TRABD2B: variants seen among roughly 807,000 people sequenced by gnomAD.
TRABD2B encodes metalloprotease TIKI2.
A neutral mutation model predicts 40.1 loss-of-function variants in TRABD2B; 14 were observed. The ratio of observed to expected loss-of-function variants is 0.35; its 90% CI spans 0.23 to 0.55. The LOEUF is 0.55. Ranked by LOEUF, TRABD2B falls within the 20% of genes least tolerant of loss-of-function variation. The pLI is 0.90. For missense variants in TRABD2B, 541 were observed against 648.6 expected, an observed-to-expected ratio of 0.83 and a Z score of 1.80; for synonymous variants, 263 against 277.0, an observed-to-expected ratio of 0.95 and a Z score of 0.50.
At chr1:47,988,086 G>T (rs974921182) in intron 2 of TRABD2B, among the ~76,000 whole-genome samples, 1 of 152,094 alleles carries the variant, frequency 6.6e-6, no homozygotes, top group Non-Finnish European at 1.5e-5. Context: ...ATCTGACAAG[G>T]TATAACACTG....
chr1:47,872,320 T>A (rs1557627136), intron 2 of TRABD2B, among the ~76,000 whole-genome samples: 1 of 152,184 alleles, frequency 6.6e-6, no homozygotes, highest in Non-Finnish European at 1.5e-5. Context: ...TCAGATGACC[T>A]TGAGCAGGCT....
intron 5 of TRABD2B, among the ~76,000 whole-genome samples, chr1:47,778,011 G>A (rs1451346142): frequency 1.3e-5 from 2 of 152,172 alleles, no homozygotes; most frequent in African/African-American, 2.4e-5. Context: ...AGACAGCAAC[G>A]GAGAAGGTGA....
chr1:47,936,536 G>C (rs769391402), intron 2 of TRABD2B, among the ~76,000 whole-genome samples: 1 of 152,150 alleles, frequency 6.6e-6, no homozygotes, highest in East Asian at 1.9e-4. Flanking sequence ...CTAGGAAAGC[G>C]TATCTTCAGT....
At chr1:47,923,765 G>C (rs1195272969) in intron 2 of TRABD2B, among the ~76,000 whole-genome samples, 2 of 152,128 alleles carry the variant, frequency 1.3e-5, no homozygotes, top group Non-Finnish European at 2.9e-5. Flanking sequence ...CAAGGGAGAG[G>C]GAATTCTGCC....
intron 6 of TRABD2B, among the ~76,000 whole-genome samples, chr1:47,769,504 A>G (rs1644351300): frequency 6.6e-6 from 1 of 152,192 alleles, no homozygotes; most frequent in African/African-American, 2.4e-5. Flanking sequence ...ATGGGGCAGG[A>G]CTGGTGGGTG....
intron 2 of TRABD2B, among the ~76,000 whole-genome samples, chr1:47,862,283 G>A (rs756267881): frequency 6.6e-6 from 1 of 152,122 alleles, no homozygotes; most frequent in Non-Finnish European, 1.5e-5. Flanking sequence ...TACTTATTGA[G>A]AAGGAAGAAA....
At chr1:47,969,765 T>G (rs1645654239) in intron 2 of TRABD2B, among the ~76,000 whole-genome samples, 1 of 152,212 alleles carries the variant, frequency 6.6e-6, no homozygotes, top group Non-Finnish European at 1.5e-5. Context: ...CTAGTGTCCC[T>G]TGCAGAGCCA....
chr1:47,963,461 C>T (rs1645552180), intron 2 of TRABD2B, among the ~76,000 whole-genome samples: 1 of 152,190 alleles, frequency 6.6e-6, no homozygotes, highest in Non-Finnish European at 1.5e-5. Context: ...AGAAAAAGAG[C>T]AGGCCCTTGC....
chr1:47,853,256 G>A (rs1203665565), intron 2 of TRABD2B, among the ~76,000 whole-genome samples: 2 of 152,120 alleles, frequency 1.3e-5, no homozygotes, highest in African/African-American at 4.8e-5. Flanking sequence ...GCAGCCTGGG[G>A]CCCAAACCCA....
intron 2 of TRABD2B, among the ~76,000 whole-genome samples, chr1:47,954,805 C>A (rs1193014833): frequency 2.0e-5 from 3 of 152,116 alleles, no homozygotes; most frequent in African/African-American, 7.2e-5. Flanking sequence ...GTGACCCTTG[C>A]CTTCTGAGGC....
intron 3 of TRABD2B, among the ~76,000 whole-genome samples, chr1:47,796,416 G>A (rs1190568177): frequency 6.6e-6 from 1 of 152,150 alleles, no homozygotes; most frequent in African/African-American, 2.4e-5. Context: ...TTTTCTACAG[G>A]ATTAAGCCCC....
intron 2 of TRABD2B, among the ~76,000 whole-genome samples, chr1:47,880,829 A>G (rs1644292928): frequency 6.6e-6 from 1 of 152,200 alleles, no homozygotes; most frequent in Non-Finnish European, 1.5e-5. Context: ...TCTCAGTAAT[A>G]AAGGTTATGC....
At chr1:47,982,478 G>A (rs1453266420) in intron 2 of TRABD2B, among the ~76,000 whole-genome samples, 2 of 152,126 alleles carry the variant, frequency 1.3e-5, no homozygotes, top group Admixed American at 1.3e-4. Context: ...CCAAAGTGGA[G>A]GAGCTGGATT....
At chr1:47,833,296 T>C (rs535756663) in intron 2 of TRABD2B, among the ~76,000 whole-genome samples, 1 of 152,248 alleles carries the variant, frequency 6.6e-6, no homozygotes, top group African/African-American at 2.4e-5. Flanking sequence ...GGAAAGGACA[T>C]GTTACAGGTG....
chr1:47,984,418 G>A (rs1370003500), intron 2 of TRABD2B, among the ~76,000 whole-genome samples: 1 of 152,260 alleles, frequency 6.6e-6, no homozygotes, highest in Non-Finnish European at 1.5e-5. Context: ...CAGAGAGGCG[G>A]CGCGGCTCGG....
At chr1:47,965,793 G>A (rs1375698103) in intron 2 of TRABD2B, among the ~76,000 whole-genome samples, 1 of 152,140 alleles carries the variant, frequency 6.6e-6, no homozygotes, top group Admixed American at 6.5e-5. Context: ...CAGGATTTCA[G>A]ATCATGAAGA....
At chr1:47,890,941 T>C (rs79064764) in intron 2 of TRABD2B, among the ~76,000 whole-genome samples, 5,142 of 152,312 alleles carry the variant, frequency 0.034, 201 homozygotes, top group East Asian at 0.16. Flanking sequence ...TTGTTTGGTA[T>C]GGAGTCTGGA....
chr1:47,783,604 C>G (rs528381041), intron 4 of TRABD2B, among the ~76,000 whole-genome samples: 1 of 152,318 alleles, frequency 6.6e-6, no homozygotes, highest in African/African-American at 2.4e-5. Context: ...TGAGAGAAGC[C>G]AGGGTCCCAC....
Position 47,992,880 on chromosome 1 carries a change from C to G in TRABD2B, c.666+1154G>C, listed in dbSNP as rs995515139. Among the ~76,000 whole-genome samples the G allele has an allele frequency of 6.6e-5, 10 of 152,220 alleles. No homozygotes were observed. In the South Asian group the frequency reaches 1.4e-3, roughly 22 times the overall value. On this transcript the variant is annotated intron_variant, in intron 2 of 6. Coordinates refer to ENST00000606738, the MANE Select transcript of TRABD2B (RefSeq NM_001194986.2). ...GAGAGCCAGCAGGAGAACCGACAAA[C>G]CCGCCTTTCATTTGGCCGGCAAATC...
Sources: allele counts gnomAD v4.1 joint callset (sites outside exome capture counted in the v4.1 genomes callset), GRCh38; gene constraint gnomAD v4.1.1; transcripts MANE v1.5; gene names NCBI Gene and HGNC (gene_info 2026-07-23, HGNC 2026-07-21).